The following AMMECR1 variants were observed in gnomAD, a reference collection of about 807,000 sequenced individuals.
AMMECR1 encodes the protein AMMECR nuclear protein 1.
A neutral mutation model predicts 22.5 loss-of-function variants in AMMECR1; 3 were observed. The ratio of observed to expected loss-of-function variants is 0.13; its 90% CI spans 0.06 to 0.35. AMMECR1 has a LOEUF of 0.35. Ranked by LOEUF, AMMECR1 falls within the 10% of genes least tolerant of loss-of-function variation. The pLI is 1.00. For missense variants in AMMECR1, 235 were observed against 278.7 expected, an observed-to-expected ratio of 0.84 and a Z score of 1.12; for synonymous variants, 130 against 116.7, an observed-to-expected ratio of 1.11 and a Z score of -0.74.
chrX:110,385,355 T>C (rs929124577), intron 2 of AMMECR1, among the ~76,000 whole-genome samples: 14 of 112,019 alleles, frequency 1.2e-4, no homozygotes, highest in Non-Finnish European at 2.6e-4. Flanking sequence ...TTCATCTATG[T>C]GAATTATATC....
intron 2 of AMMECR1, among the ~76,000 whole-genome samples, chrX:110,230,321 AGCAATATTTGCTGTTCT>A (rs1425679492): frequency 3.6e-5 from 4 of 112,163 alleles, no homozygotes; most frequent in Admixed American, 2.8e-4. Context: ...AGTATCACGC[AGCAATATTTGCTGTTCT>A]GCAATATTTG....
Position 110,202,477 on chromosome X carries a change from G to A in AMMECR1, c.759C>T (p.Ala253=), listed in dbSNP as rs771116750. 8.3e-7 allele frequency: 1 copy of A among 1,208,726 alleles called. No homozygotes were observed. Among genetic ancestry groups the A allele is most frequent in the East Asian group, 3.0e-5 (1 of 33,821 alleles). ...FINEKGSKRT[A]TYLPEVAKEQ... ...CCTTTGCAACCTCCGGTAGGTAGGT[G>A]GCGGTGCGTTTTGATCCTTTTTCAT... The change falls in exon 4 of 6, where the codon GCC becomes GCT. Residue 253 remains alanine, a synonymous_variant. Transcript: ENST00000262844.
At chrX:110,235,819 TG>T (rs1169425649) in intron 2 of AMMECR1, among the ~76,000 whole-genome samples, 1 of 111,132 alleles carries the variant, frequency 9.0e-6, no homozygotes, top group Non-Finnish European at 1.9e-5. Context: ...GTTGTGGGGT[TG>T]GGGGCTGGCA....
At chrX:110,248,204 G>A (rs1032188692) in intron 2 of AMMECR1, among the ~76,000 whole-genome samples, 15 of 110,235 alleles carry the variant, frequency 1.4e-4, no homozygotes. Flanking sequence ...GGGCAACATG[G>A]CGAAACCCTG....
In AMMECR1 at chrX:110,439,610, C is replaced by A. The variant is rs914890462; in HGVS notation, c.-294+280G>T. On this transcript the variant is annotated intron_variant, in intron 1 of 7. Transcript: ENST00000372057. ...TCCAACATAAGAAATCAGGTGTGCACAACATTGATGAACAGAAGACCCCAA... is the reference window on the plus strand; with the variant it reads ...TCCAACATAAGAAATCAGGTGTGCAAAACATTGATGAACAGAAGACCCCAA... Among the ~76,000 whole-genome samples the A allele has an allele frequency of 4.5e-5, 5 of 112,053 alleles. No homozygotes were observed. The Admixed American group carries it at 4.7e-4, about 11-fold the overall frequency.
intron 3 of AMMECR1, among the ~76,000 whole-genome samples, chrX:110,206,048 A>G (rs1310103175): frequency 2.7e-5 from 3 of 112,331 alleles, no homozygotes; most frequent in Admixed American, 1.9e-4. Context: ...ACCCTAAAAT[A>G]TATCTTGATT....
At chrX:110,249,342 G>GTA (rs1191546061) in intron 2 of AMMECR1, among the ~76,000 whole-genome samples, 6 of 110,995 alleles carry the variant, frequency 5.4e-5, no homozygotes. Flanking sequence ...GAAGGAAGCA[G>GTA]TATCGCACAG....
chrX:110,201,395 G>A (rs746348124), intron 4 of AMMECR1, among the ~76,000 whole-genome samples: 15 of 111,836 alleles, frequency 1.3e-4, no homozygotes, highest in Non-Finnish European at 1.9e-5. Flanking sequence ...ATCTTTAAAA[G>A]GGAGTGAAAA....
intron 2 of AMMECR1, among the ~76,000 whole-genome samples, chrX:110,368,461 G>A (rs1165607179): frequency 9.0e-6 from 1 of 111,389 alleles, no homozygotes; most frequent in Non-Finnish European, 1.9e-5. Flanking sequence ...AAAACTCCCA[G>A]AGGTCCATTG....
At chrX:110,430,962 A>G (rs1056999741) in intron 1 of AMMECR1, among the ~76,000 whole-genome samples, 2 of 112,045 alleles carry the variant, frequency 1.8e-5, no homozygotes, top group African/African-American at 3.3e-5. Flanking sequence ...GTACTTGTGT[A>G]TGATACTCAG....
At chrX:110,227,982 A>G (rs2067542873) in intron 2 of AMMECR1, among the ~76,000 whole-genome samples, 1 of 112,060 alleles carries the variant, frequency 8.9e-6, no homozygotes, top group Non-Finnish European at 1.9e-5. Context: ...TGCCTAACCA[A>G]TCAATCAATG....
Position 110,412,502 on chromosome X carries a change from G to A in AMMECR1, c.-148+14156C>T, listed in dbSNP as rs143624706. ...CTCCTCTAGCTTTTATGAGCTGTGT[G>A]ACTTCGACCAAGTTTCTAACCTCTC... On this transcript the variant is annotated intron_variant, in intron 2 of 7. Transcript: ENST00000372057. Among the ~76,000 whole-genome samples, 460 of 112,022 alleles carry A rather than the reference G, an allele frequency of 4.1e-3. 2 individuals carry two copies. The highest frequency in any genetic ancestry group is 0.013 in the African/African-American group (413 of 30,834).
intron 2 of AMMECR1, among the ~76,000 whole-genome samples, chrX:110,393,797 G>A (rs1317440225): frequency 8.9e-6 from 1 of 112,799 alleles, no homozygotes; most frequent in Non-Finnish European, 1.9e-5. Flanking sequence ...TGACCAGGGT[G>A]GTTCCCACCT....
At chrX:110,287,690 G>A (rs376214110) in intron 1 of AMMECR1, among the ~76,000 whole-genome samples, 1 of 111,924 alleles carries the variant, frequency 8.9e-6, no homozygotes, top group Non-Finnish European at 1.9e-5. Context: ...GTCTGTTACC[G>A]GGAAGCAAGT....
chrX:110,320,006 T>C (rs2068072815), upstream of AMMECR1, among the ~76,000 whole-genome samples: 1 of 112,339 alleles, frequency 8.9e-6, no homozygotes, highest in Non-Finnish European at 1.9e-5. Context: ...AAAGATTTTA[T>C]GAGATAGATA....
chrX:110,404,428 GC>G (rs945597475), intron 2 of AMMECR1, among the ~76,000 whole-genome samples: 8 of 111,824 alleles, frequency 7.2e-5, no homozygotes, highest in African/African-American at 2.6e-4. Flanking sequence ...GGGCTAAGAA[GC>G]TTTGCCTTTA....
chrX:110,335,918 G>A (rs1446243487), intron 2 of AMMECR1, among the ~76,000 whole-genome samples: 9 of 111,855 alleles, frequency 8.0e-5, no homozygotes, highest in South Asian at 7.5e-4. Flanking sequence ...AGTGATAACT[G>A]AGTGCTATAA....
intron 2 of AMMECR1, among the ~76,000 whole-genome samples, chrX:110,223,991 C>A (rs866864442): frequency 9.0e-6 from 1 of 111,679 alleles, no homozygotes; most frequent in Non-Finnish European, 1.9e-5. Flanking sequence ...GAGATCATAA[C>A]AGTACCCACC....
At chrX:110,369,075 G>C (rs969293239) in intron 2 of AMMECR1, among the ~76,000 whole-genome samples, 1 of 112,255 alleles carries the variant, frequency 8.9e-6, no homozygotes. Flanking sequence ...GCTCACGCCT[G>C]TAATCCCAGC....
Sources: gnomAD v4.1 joint callset for allele counts (sites outside exome capture counted in the v4.1 genomes callset) on GRCh38, gnomAD v4.1.1 for gene constraint, MANE v1.5 for transcripts, NCBI Gene and HGNC (gene_info 2026-07-23, HGNC 2026-07-21) for gene names.